Variants in LRRC7 observed in about 807,000 individuals in gnomAD.
LRRC7 encodes the protein leucine-rich repeat-containing protein 7.
In LRRC7, 23 loss-of-function variants were observed where a neutral mutation model predicts 175.7. The observed-to-expected ratio is 0.13, with a 90% CI of 0.09 to 0.19. The LOEUF is 0.19. Ranked by LOEUF, LRRC7 falls within the 10% of genes least tolerant of loss-of-function variation. LRRC7 has a pLI of 1.00. For missense variants in LRRC7, 1,354 were observed against 1,904.7 expected, an observed-to-expected ratio of 0.71 and a Z score of 5.38; for synonymous variants, 685 against 680.9, an observed-to-expected ratio of 1.01 and a Z score of -0.09.
At chr1:70,095,892 G>C (rs1664351627) in intron 25 of LRRC7, among the ~76,000 whole-genome samples, 1 of 151,974 alleles carries the variant, frequency 6.6e-6, no homozygotes, top group Non-Finnish European at 1.5e-5. Context: ...AATAAATCCA[G>C]AGTTAAAGAG....
At chr1:69,890,904 T>TATTGA (rs1299959232) in intron 7 of LRRC7, among the ~76,000 whole-genome samples, 2 of 152,226 alleles carry the variant, frequency 1.3e-5, no homozygotes, top group Admixed American at 6.5e-5. Flanking sequence ...TCAGTCTTCA[T>TATTGA]AGTATTGAAG....
intron 1 of LRRC7, among the ~76,000 whole-genome samples, chr1:69,664,010 C>A (rs1229528775): frequency 6.6e-6 from 1 of 152,044 alleles, no homozygotes; most frequent in Admixed American, 6.6e-5. Flanking sequence ...CGTGAGCCAC[C>A]GCGCCCGGCC....
intron 8 of LRRC7, among the ~76,000 whole-genome samples, chr1:69,963,028 G>A (rs1299627993): frequency 6.6e-6 from 1 of 152,074 alleles, no homozygotes; most frequent in African/African-American, 2.4e-5. Context: ...ACAAGGGTCA[G>A]GCGCGGTGGC....
chr1:69,788,192 A>G (rs890423082), intron 3 of LRRC7, among the ~76,000 whole-genome samples: 1 of 152,144 alleles, frequency 6.6e-6, no homozygotes, highest in Non-Finnish European at 1.5e-5. Flanking sequence ...TCTGTAACTC[A>G]GGCTTAACCC....
intron 26 of LRRC7, among the ~76,000 whole-genome samples, chr1:70,120,088 T>C (rs1339236461): frequency 6.6e-6 from 1 of 152,092 alleles, no homozygotes; most frequent in Non-Finnish European, 1.5e-5. Flanking sequence ...GAAAAAAGAA[T>C]GGCCCATATG....
At chr1:70,088,362 G>T (rs1325241769) in intron 24 of LRRC7, among the ~76,000 whole-genome samples, 2 of 151,984 alleles carry the variant, frequency 1.3e-5, no homozygotes, top group Non-Finnish European at 2.9e-5. Context: ...TTCGAGACTA[G>T]CCCGGGCAAC....
intron 4 of LRRC7, among the ~76,000 whole-genome samples, chr1:69,809,484 T>G (rs186789415): frequency 6.6e-6 from 1 of 152,200 alleles, no homozygotes; most frequent in African/African-American, 2.4e-5. Context: ...ACAGAAAATT[T>G]CAGGCCAATA....
intron 7 of LRRC7, among the ~76,000 whole-genome samples, chr1:69,930,756 G>C (rs541524525): frequency 6.6e-6 from 1 of 152,158 alleles, no homozygotes; most frequent in African/African-American, 2.4e-5. Context: ...AATCATGGCC[G>C]AAGGGGAAGC....
At chr1:70,017,266 G>GAAA (rs532410727) in intron 14 of LRRC7, among the ~76,000 whole-genome samples, 292 of 107,986 alleles carry the variant, frequency 2.7e-3, no homozygotes, top group African/African-American at 9.3e-3. Context: ...CTCTGTCTCA[G>GAAA]AAAAAAAAAA....
At position 69,924,146 on chromosome 1, in the gene LRRC7, T is replaced by A. The variant is rs545192040; in HGVS notation, c.648-7361T>A. ...GGCGTTATTTCTGAGGGCTGTGTTCTGTTCCATTGATCTATATCTCTGTTT... is the reference window on the plus strand; with the variant it reads ...GGCGTTATTTCTGAGGGCTGTGTTCAGTTCCATTGATCTATATCTCTGTTT... On this transcript the variant is annotated intron_variant, in intron 7 of 26. Coordinates refer to ENST00000651989, the MANE Select transcript of LRRC7 (RefSeq NM_001370785.2). Among the ~76,000 whole-genome samples the A allele has an allele frequency of 3.3e-3, 497 of 152,296 alleles. 1 individual carries two copies. Among genetic ancestry groups the A allele is most frequent in the African/African-American group, 0.011 (449 of 41,554 alleles).
intron 4 of LRRC7, among the ~76,000 whole-genome samples, chr1:69,816,528 T>G (rs1340688466): frequency 6.6e-6 from 1 of 152,160 alleles, no homozygotes; most frequent in Non-Finnish European, 1.5e-5. Context: ...TATCTCTATA[T>G]TTTAGTGGAA....
At chr1:69,921,367 C>A (rs1412543678) in intron 7 of LRRC7, among the ~76,000 whole-genome samples, 3 of 151,992 alleles carry the variant, frequency 2.0e-5, no homozygotes, top group Non-Finnish European at 4.4e-5. Flanking sequence ...ACACTTTTTC[C>A]TAATATAAGT....
intron 7 of LRRC7, among the ~76,000 whole-genome samples, chr1:69,911,518 TC>T (rs1231545289): frequency 7.9e-5 from 12 of 152,204 alleles, no homozygotes; most frequent in African/African-American, 2.9e-4. Flanking sequence ...TGGTATCTTA[TC>T]TGACTGGTTG....
intron 5 of LRRC7, among the ~76,000 whole-genome samples, chr1:69,831,075 G>A (rs1680478608): frequency 6.6e-6 from 1 of 151,896 alleles, no homozygotes; most frequent in South Asian, 2.1e-4. Context: ...CATACATATG[G>A]AGAATAGTAG....
At chr1:70,083,534 G>A (rs1325949974) in intron 24 of LRRC7, among the ~76,000 whole-genome samples, 1 of 152,012 alleles carries the variant, frequency 6.6e-6, no homozygotes, top group Non-Finnish European at 1.5e-5. Context: ...CATCTCATCT[G>A]ACCTCTCAGC....
intron 2 of LRRC7, among the ~76,000 whole-genome samples, chr1:69,678,831 T>C (rs961766267): frequency 6.6e-6 from 1 of 152,170 alleles, no homozygotes; most frequent in African/African-American, 2.4e-5. Context: ...GAAATGTATC[T>C]AAAGTCAACA....
At chr1:69,857,263 G>C (rs1683766132) in intron 7 of LRRC7, among the ~76,000 whole-genome samples, 1 of 152,108 alleles carries the variant, frequency 6.6e-6, no homozygotes, top group East Asian at 1.9e-4. Context: ...ATTCTGGCCA[G>C]GGCAATCAGG....
chr1:69,572,631 C>T (rs1431186021), intron 1 of LRRC7, among the ~76,000 whole-genome samples: 1 of 151,984 alleles, frequency 6.6e-6, no homozygotes, highest in Non-Finnish European at 1.5e-5. Flanking sequence ...TAGAGTATTA[C>T]CCTGAGATAG....
At chr1:69,828,315 G>A (rs541924746) in intron 5 of LRRC7, among the ~76,000 whole-genome samples, 7 of 152,180 alleles carry the variant, frequency 4.6e-5, no homozygotes, top group African/African-American at 1.4e-4. Flanking sequence ...GAGTCGTATG[G>A]TATGTATATG....
Sources: gnomAD v4.1 joint callset for allele counts (sites outside exome capture counted in the v4.1 genomes callset) on GRCh38, gnomAD v4.1.1 for gene constraint, MANE v1.5 for transcripts, NCBI Gene and HGNC (gene_info 2026-07-23, HGNC 2026-07-21) for gene names.